The following ARRDC5 variants were observed in gnomAD, a reference collection of about 807,000 sequenced individuals.
The protein encoded by ARRDC5 is arrestin domain containing 5.
ARRDC5 carries 12 observed loss-of-function variants against 13.3 expected under a neutral mutation model. The ratio of observed to expected loss-of-function variants is 0.90; its 90% CI spans 0.58 to 1.46. The LOEUF (loss-of-function observed/expected upper bound fraction) is 1.46, where lower values mean the gene tolerates loss of function less well. Among genes scored for constraint, ARRDC5 ranks in the 40% most tolerant of loss-of-function variants. ARRDC5 has a pLI of 0.00. For missense variants in ARRDC5, 406 were observed against 418.7 expected (o/e 0.97, Z 0.26); for synonymous variants, 181 against 173.4 (o/e 1.04, Z -0.34).
At chr19:4,913,412 C>G in the ARRDC5 span, among the ~76,000 whole-genome samples, 1 of 152,062 alleles carries the variant, frequency 6.6e-6, no homozygotes, top group African/African-American at 2.4e-5. Context: ...CACCACCACG[C>G]CTGATTAATT....
chr19:4,891,412 C>T lies in ARRDC5; in HGVS notation c.621G>A (p.Thr207=), dbSNP rs537150409. 1.4e-5 allele frequency: 22 copies of T among 1,613,390 alleles called. No individual in the cohort carries two copies. In the Middle Eastern group the frequency reaches 4.9e-4, roughly 36 times the overall value. ...TGTGGGCATACAGGGCGAATACGAC[C>T]GTCTTGATGCATTTGCTGGTCTGGT... The part of the protein sequence containing the change: ...INNQTSKCIK[T]VVFALYAHIQ... Residue 207 remains threonine, a synonymous_variant, in exon 3 of 3, where the codon ACG becomes ACA. Transcript: ENST00000650722.
At chr19:4,915,699 G>A in the ARRDC5 span, among the ~76,000 whole-genome samples, 1 of 152,022 alleles carries the variant, frequency 6.6e-6, no homozygotes, top group South Asian at 2.1e-4. Context: ...GACAGAGCAA[G>A]ACTCCGTCTC....
chr19:4,896,459 G>A (rs759519483), intron 2 of ARRDC5, among the ~76,000 whole-genome samples: 1 of 150,192 alleles, frequency 6.7e-6, no homozygotes, highest in Non-Finnish European at 1.5e-5. Flanking sequence ...CCAGGCTGGA[G>A]TGCAGTGGTG....
the ARRDC5 span, among the ~76,000 whole-genome samples, chr19:4,912,753 T>C: frequency 1.3e-5 from 2 of 152,132 alleles, no homozygotes; most frequent in African/African-American, 4.8e-5. Flanking sequence ...TCTGTTTTCA[T>C]TGATTTTTTT....
chr19:4,906,126 A>G (rs1388703993), upstream of ARRDC5, among the ~76,000 whole-genome samples: 1 of 152,014 alleles, frequency 6.6e-6, no homozygotes, highest in African/African-American at 2.4e-5. Flanking sequence ...ACAGGTGCAC[A>G]CCACCATGCC....
At chr19:4,896,405 CATAT>C (rs1555740989) in intron 2 of ARRDC5, among the ~76,000 whole-genome samples, 3 of 106,390 alleles carry the variant, frequency 2.8e-5, no homozygotes, top group African/African-American at 1.2e-4. Context: ...CACACACACA[CATAT>C]ATATAATTTT....
intron 2 of ARRDC5, among the ~76,000 whole-genome samples, chr19:4,893,802 G>A (rs377526925): frequency 3.3e-5 from 5 of 151,130 alleles, no homozygotes; most frequent in South Asian, 4.2e-4. Flanking sequence ...CAGCACTTTG[G>A]GAGGCCGAGG....
At chr19:4,902,029 G>A (rs1004009281) in intron 1 of ARRDC5, among the ~76,000 whole-genome samples, 12 of 152,266 alleles carry the variant, frequency 7.9e-5, no homozygotes, top group Non-Finnish European at 1.5e-4. Flanking sequence ...TGAGATTACA[G>A]GCACGTGCCA....
At chr19:4,910,354 A>AGGAGGGGGGGCCGGCAG in the ARRDC5 span, 1 of 95,918 alleles carries the variant, frequency 1.0e-5, no homozygotes, top group Non-Finnish European at 2.4e-5. Flanking sequence ...GGGGCCGGCA[A>AGGAGGGGGGGCCGGCAG]GGAGGGGGGG....
In ARRDC5 at chr19:4,902,625, A is replaced by G; in HGVS notation, c.201T>C (p.Ile67=). 2 of 1,613,930 alleles carry G rather than the reference A, an allele frequency of 1.2e-6. No homozygotes were observed. Among genetic ancestry groups the G allele is most frequent in the South Asian group, 2.2e-5 (2 of 91,078 alleles). The change falls in exon 1 of 3, where the codon ATT becomes ATC. Residue 67 remains isoleucine (I), a synonymous_variant. Transcript: ENST00000650722. The part of the protein sequence containing the change: ...GASCDYSRNV[I]CNNKADYVHK... ...GCACGTAGTCTGCCTTGTTGTTGCA[A>G]ATAACATTTCTGCTATAATCACAGG... is the stretch of plus-strand genomic sequence containing the variant.
At chr19:4,904,884 G>A (rs1418784556), upstream of ARRDC5, among the ~76,000 whole-genome samples, 1 of 152,182 alleles carries the variant, frequency 6.6e-6, no homozygotes, top group East Asian at 1.9e-4. Flanking sequence ...ATGGTCTGGT[G>A]CCTGAGAGGG....
Position 4,890,728 on chromosome 19 carries a change from G to C in ARRDC5, c.*318C>G, listed in dbSNP as rs1399942822. ...GCCAATACAACCAGACATTAGCAGA[G>C]GGGAGAATTCTCCCCAAGTAGGACC... On this transcript the variant is annotated 3_prime_UTR_variant, in exon 3 of 3. Transcript: ENST00000650722. 1.3e-5 allele frequency: 4 copies of C among 319,462 alleles called. No homozygotes were observed. The highest frequency in any genetic ancestry group is 2.3e-5 in the Non-Finnish European group (4 of 170,624). 19.8% of individuals were successfully genotyped at this position (319,462 alleles called of 1,614,324 possible). A position where few individuals can be genotyped will look rare whatever the true frequency, so the allele number is the denominator to read the frequency against.
upstream of ARRDC5, among the ~76,000 whole-genome samples, chr19:4,906,210 C>T (rs112512669): frequency 0.014 from 2,096 of 152,144 alleles, 41 homozygotes; most frequent in African/African-American, 0.048. Flanking sequence ...AACTCCCGGG[C>T]GCAAGAGATC....
Position 4,891,300 on chromosome 19 carries a change from C to CCT in ARRDC5, c.732_733insAG (p.Val245ArgfsTer2). ...ACCTTGGTGGTGTTGAAGCGGGTCA[C>CCT]GGGGGTGTTGGCCTCCTGCCTCAGA... is the stretch of plus-strand genomic sequence containing the variant. On this transcript the variant is annotated frameshift_variant, in exon 3 of 3. Coordinates refer to ENST00000650722, the MANE Select transcript of ARRDC5 (RefSeq NM_001080523.3). LOFTEE classifies it low-confidence loss of function (END_TRUNC). The CCT allele has an allele frequency of 1.2e-6, 2 of 1,613,850 alleles. No homozygotes were observed. The highest frequency in any genetic ancestry group is 4.5e-5 in the East Asian group (2 of 44,870).
chr19:4,896,609 C>G (rs569295331), intron 2 of ARRDC5, 62 bp downstream of exon 2: 3 of 1,321,948 alleles, frequency 2.3e-6, no homozygotes, highest in Admixed American at 3.6e-5. Context: ...GCCTGCCCAC[C>G]TTCCCTCTTC....
At chr19:4,898,768 A>C (rs558875804) in intron 1 of ARRDC5, among the ~76,000 whole-genome samples, 29 of 149,932 alleles carry the variant, frequency 1.9e-4, no homozygotes, top group African/African-American at 6.9e-4. Context: ...CTGGGACTAC[A>C]GGCGCGTGTC....
chr19:4,912,209 C>T, the ARRDC5 span, among the ~76,000 whole-genome samples: 3 of 152,168 alleles, frequency 2.0e-5, no homozygotes, highest in African/African-American at 2.4e-5. Context: ...CGGTGCAAGC[C>T]GCGTGTGTGC....
intron 2 of ARRDC5, among the ~76,000 whole-genome samples, chr19:4,896,348 ATTTTTTTTTT>A (rs1225628606): frequency 0.014 from 840 of 59,510 alleles, 16 homozygotes; most frequent in East Asian, 0.024. Context: ...ATATATATAT[ATTTTTTTTTT>A]TTTACACACA....
At chr19:4,904,471 A>G (rs553141354), upstream of ARRDC5, among the ~76,000 whole-genome samples, 12 of 151,854 alleles carry the variant, frequency 7.9e-5, no homozygotes, top group South Asian at 1.0e-3. Context: ...GAGCCACCGC[A>G]CCCAGCCAAT....
Sources: allele counts gnomAD v4.1 joint callset (sites outside exome capture counted in the v4.1 genomes callset), GRCh38; gene constraint gnomAD v4.1.1; transcripts MANE v1.5; gene names NCBI Gene and HGNC (gene_info 2026-07-23, HGNC 2026-07-21).